The following ACACB variants were observed in gnomAD, a reference collection of about 807,000 sequenced individuals.
The protein encoded by ACACB is acetyl-CoA carboxylase beta, also known as acetyl-CoA carboxylase 2.
A neutral mutation model predicts 278.8 loss-of-function variants in ACACB; 209 were observed. The observed-to-expected ratio is 0.75, with a 90% CI of 0.67 to 0.84. ACACB has a LOEUF of 0.84. Among genes scored for constraint, ACACB ranks in the 40% least tolerant of loss-of-function variants. The probability of loss-of-function intolerance (pLI) is 0.00; values close to 1 mark genes in which losing one functional copy is unlikely to be tolerated. For synonymous variants in ACACB, 1,174 were observed against 1,285.6 expected, an observed-to-expected ratio of 0.91 and a Z score of 1.86; for missense variants, 2,850 against 3,269.0, an observed-to-expected ratio of 0.87 and a Z score of 3.13.
intron 43 of ACACB, 66 bp from the exon 44 acceptor site, chr12:109,254,148 G>A: frequency 6.3e-7 from 1 of 1,587,570 alleles, no homozygotes; most frequent in Non-Finnish European, 8.6e-7. Flanking sequence ...GAGGAGCAAA[G>A]TGCTGATCAG....
chr12:109,263,846 A>G (rs1255144819), intron 49 of ACACB: 1 of 163,048 alleles, frequency 6.1e-6, no homozygotes, highest in Non-Finnish European at 1.3e-5. Context: ...CATATTTTAC[A>G]ATGTGTACTA....
At position 109,209,021 on chromosome 12, in the gene ACACB, GC is replaced by G. The variant is rs1273384143; in HGVS notation, c.3061-140del. On this transcript the variant is annotated intron_variant, in intron 20 of 52. Transcript: ENST00000338432. ...TCAGGGGGCCATTCCACTCTGGACTGCCCCAGAGGCTGCTGGGTCTGGATCT... is the reference window on the plus strand; with the variant it reads ...TCAGGGGGCCATTCCACTCTGGACTGCCCAGAGGCTGCTGGGTCTGGATCT... 5.1e-5 allele frequency: 45 copies of G among 875,742 alleles called. No homozygotes were observed. The South Asian group carries it at 6.1e-4, about 12-fold the overall frequency. The allele number at this position is 875,742 out of a possible 1,614,324, so 54.2% of individuals were successfully genotyped here.
intron 15 of ACACB, among the ~76,000 whole-genome samples, chr12:109,192,267 A>G (rs1370226351): frequency 3.3e-5 from 5 of 152,172 alleles, no homozygotes; most frequent in African/African-American, 9.7e-5. Flanking sequence ...TTGGGAAGCA[A>G]AGCGGCTTAA....
intron 31 of ACACB, among the ~76,000 whole-genome samples, chr12:109,234,903 A>C (rs997546963): frequency 6.6e-6 from 1 of 151,380 alleles, no homozygotes; most frequent in Non-Finnish European, 1.5e-5. Context: ...CGTTCTGCAC[A>C]TGTATCCTGT....
chr12:109,179,407 A>G, intron 10 of ACACB, 110 bp downstream of exon 10: 3 of 1,174,290 alleles, frequency 2.6e-6, no homozygotes, highest in East Asian at 5.1e-5. Context: ...GGTGCCTAAC[A>G]AGAGGGATGA....
chr12:109,208,606 G>A (rs1206254547), intron 20 of ACACB, among the ~76,000 whole-genome samples: 4 of 152,102 alleles, frequency 2.6e-5, no homozygotes, highest in Non-Finnish European at 5.9e-5. Flanking sequence ...CACTATCATC[G>A]TCATCCAAAG....
At chr12:109,222,294 C>CGAGTGAGTGAGTGAGTGAGT (rs112567037) in intron 24 of ACACB, among the ~76,000 whole-genome samples, 22,796 of 150,874 alleles carry the variant, frequency 0.15, 1,998 homozygotes, top group East Asian at 0.28. Context: ...AATGGGTGGC[C>CGAGTGAGTGAGTGAGTGAGT]GAGTGAGTGA....
chr12:109,247,455 C>G (rs1167215697), intron 39 of ACACB, 151 bp from the exon 40 acceptor site: 2 of 618,496 alleles, frequency 3.2e-6, no homozygotes, highest in African/African-American at 3.7e-5. Context: ...GTTATTAATA[C>G]GGTATTTACA....
chr12:109,238,057 T>G (rs1193418389), intron 34 of ACACB, among the ~76,000 whole-genome samples: 1 of 150,390 alleles, frequency 6.6e-6, no homozygotes, highest in East Asian at 1.9e-4. Context: ...AATCCATGAT[T>G]ATATTGTGAA....
At chr12:109,180,956 A>C (rs1045029076) in intron 11 of ACACB, among the ~76,000 whole-genome samples, 10 of 152,142 alleles carry the variant, frequency 6.6e-5, no homozygotes, top group Non-Finnish European at 1.5e-4. Flanking sequence ...CCCATTAATC[A>C]TCCTCGCTTT....
intron 34 of ACACB, among the ~76,000 whole-genome samples, chr12:109,238,457 A>C (rs2046700845): frequency 9.7e-6 from 1 of 103,384 alleles, no homozygotes; most frequent in African/African-American, 3.0e-5. Flanking sequence ...TATAATATAC[A>C]TAATATAATA....
rs181889340 is a variant in ACACB, at chr12:109,181,234, T to C, written c.1818+1147T>C. On this transcript the variant is annotated intron_variant, in intron 11 of 52. Coordinates refer to ENST00000338432, the MANE Select transcript of ACACB (RefSeq NM_001093.4). ...TTCTTTTTCCTTTTTCTTTTCTTTT[T>C]TTTTTTTTTTTGAGATGCAGTCTCG... Among the ~76,000 whole-genome samples, 29 of 149,922 alleles carry C rather than the reference T, an allele frequency of 1.9e-4. No individual in the cohort carries two copies. In the East Asian group the frequency reaches 4.8e-3, roughly 25 times the overall value.
At chr12:109,162,245 C>T (rs2043751531) in intron 2 of ACACB, among the ~76,000 whole-genome samples, 1 of 152,178 alleles carries the variant, frequency 6.6e-6, no homozygotes, top group Non-Finnish European at 1.5e-5. Flanking sequence ...TCCCAAAGTG[C>T]TGGGATTACA....
intron 20 of ACACB, among the ~76,000 whole-genome samples, chr12:109,208,541 C>T (rs552579912): frequency 1.3e-5 from 2 of 152,286 alleles, no homozygotes; most frequent in East Asian, 1.9e-4. Context: ...GGGCACTTCG[C>T]AGTTTATGCA....
In ACACB at chr12:109,176,228, G is replaced by C; in HGVS notation, c.1402G>C (p.Glu468Gln). 1.2e-6 allele frequency: 2 copies of C among 1,614,232 alleles called. No individual in the cohort carries two copies. Among genetic ancestry groups the C allele is most frequent in the South Asian group, 1.1e-5 (1 of 91,092 alleles). ...CGGAGGGAAGGGAATCCGGAAGGCT[G>C]AGAGTGCGGAGGACTTCCCGATCCT... ...GGGGKGIRKA[E>Q]SAEDFPILFR... The change falls in exon 9 of 53, where the codon GAG becomes CAG. Residue 468 changes from glutamate to glutamine, a missense_variant. Glu to Gln is a conservative substitution (Grantham distance 29). Coordinates refer to ENST00000338432, the MANE Select transcript of ACACB (RefSeq NM_001093.4).
intron 44 of ACACB, among the ~76,000 whole-genome samples, chr12:109,255,310 C>T (rs1397516250): frequency 6.6e-6 from 1 of 152,214 alleles, no homozygotes; most frequent in Non-Finnish European, 1.5e-5. Flanking sequence ...TACCTTTAGA[C>T]TTGGCTGCTC....
intron 19 of ACACB, among the ~76,000 whole-genome samples, chr12:109,205,642 T>TG (rs1419966937): frequency 6.6e-6 from 1 of 151,944 alleles, no homozygotes; most frequent in African/African-American, 2.4e-5. Context: ...TTAGTAGAGA[T>TG]GGGGTTTCAC....
intron 37 of ACACB, among the ~76,000 whole-genome samples, chr12:109,243,291 G>T (rs898356215): frequency 2.7e-4 from 41 of 152,204 alleles, no homozygotes; most frequent in African/African-American, 9.2e-4. Context: ...GTAATTTTTA[G>T]TCTACTCTTA....
At chr12:109,213,951 C>T (rs2045920272) in intron 22 of ACACB, among the ~76,000 whole-genome samples, 1 of 152,046 alleles carries the variant, frequency 6.6e-6, no homozygotes, top group Non-Finnish European at 1.5e-5. Context: ...AGCAAGAAGG[C>T]TTTCCTTATG....
Sources: allele counts gnomAD v4.1 joint callset (sites outside exome capture counted in the v4.1 genomes callset), GRCh38; gene constraint gnomAD v4.1.1; transcripts MANE v1.5; gene names NCBI Gene and HGNC (gene_info 2026-07-23, HGNC 2026-07-21).